The following TRDN variants were observed in gnomAD, a reference collection of about 807,000 sequenced individuals.
TRDN encodes the protein triadin in skeletal muscle.
TRDN carries 161 observed loss-of-function variants against 149.7 expected under a neutral mutation model. The ratio of observed to expected loss-of-function variants is 1.08; its 90% CI spans 0.95 to 1.23. The LOEUF is 1.23. Ranked by LOEUF, TRDN falls within the 50% of genes most tolerant of loss-of-function variation. TRDN has a pLI of 0.00. For missense variants in TRDN, 896 were observed against 823.5 expected (o/e 1.09, Z -1.08); for synonymous variants, 294 against 250.5 (o/e 1.17, Z -1.64).
chr6:123,289,285 A>G (rs934917153), intron 24 of TRDN, among the ~76,000 whole-genome samples: 5 of 151,918 alleles, frequency 3.3e-5, no homozygotes, highest in Non-Finnish European at 7.4e-5. Context: ...TCAATCTCAT[A>G]GAAACAGAGA....
intron 38 of TRDN, among the ~76,000 whole-genome samples, chr6:123,227,719 T>A (rs1365384366): frequency 1.5e-5 from 2 of 137,016 alleles, no homozygotes; most frequent in Non-Finnish European, 3.3e-5. Context: ...AGGCAAGGAC[T>A]TTTTTGTTTG....
chr6:123,236,602 T>C (rs1443228164), intron 38 of TRDN, among the ~76,000 whole-genome samples: 1 of 152,196 alleles, frequency 6.6e-6, no homozygotes, highest in Non-Finnish European at 1.5e-5. Context: ...CTATTTTTGA[T>C]TAATTTTTGC....
chr6:123,456,945 T>C (rs1307029534), intron 10 of TRDN: 3 of 425,714 alleles, frequency 7.0e-6, no homozygotes, highest in Non-Finnish European at 1.4e-5. Flanking sequence ...AAACAAATGT[T>C]TTATAAGGAA....
At chr6:123,530,820 T>C (rs1426238814) in intron 4 of TRDN, among the ~76,000 whole-genome samples, 1 of 151,960 alleles carries the variant, frequency 6.6e-6, no homozygotes, top group Admixed American at 6.6e-5. Flanking sequence ...TAGACAGAGC[T>C]ATGTTGTCAC....
Position 123,497,134 on chromosome 6 carries a change from C to T in TRDN, c.853+59G>A, listed in dbSNP as rs1320856443. ...AAATACAGTTAGGTACATAAAAAGCCCACAATCTTAGAAACAAAGACTATT... is the reference window on the plus strand; with the variant it reads ...AAATACAGTTAGGTACATAAAAAGCTCACAATCTTAGAAACAAAGACTATT... On this transcript the variant is annotated intron_variant, in intron 9 of 40. Coordinates refer to ENST00000334268, the MANE Select transcript of TRDN (RefSeq NM_006073.4). 32 of 1,353,072 alleles carry T rather than the reference C, an allele frequency of 2.4e-5. No homozygotes were observed. In the East Asian group the frequency reaches 8.5e-4, roughly 36 times the overall value. The allele number at this position is 1,353,072 out of a possible 1,614,324, so 83.8% of individuals were successfully genotyped here. A position where few individuals can be genotyped will look rare whatever the true frequency, so the allele number is the denominator to read the frequency against.
chr6:123,594,210 C>T (rs1783922295), intron 1 of TRDN, among the ~76,000 whole-genome samples: 1 of 151,944 alleles, frequency 6.6e-6, no homozygotes, highest in Non-Finnish European at 1.5e-5. Flanking sequence ...AGCTATTTGT[C>T]CAAATTATTC....
chr6:123,251,117 T>C lies in TRDN; in HGVS notation c.1975+1295A>G, dbSNP rs140273395. On this transcript the variant is annotated intron_variant, in intron 38 of 40. Coordinates refer to ENST00000334268, the MANE Select transcript of TRDN (RefSeq NM_006073.4). ...TTCCAAGGGCCTTTCCTTTTATCTA[T>C]ACATTTTGTCCTTGCCATCAGTGGG... is the stretch of plus-strand genomic sequence containing the variant. Among the ~76,000 whole-genome samples, 5 of 152,264 alleles carry C rather than the reference T, an allele frequency of 3.3e-5. No individual in the cohort carries two copies. In the East Asian group the frequency reaches 7.7e-4, roughly 24 times the overall value.
chr6:123,310,069 G>A (rs1296985345), intron 24 of TRDN, among the ~76,000 whole-genome samples: 1 of 152,030 alleles, frequency 6.6e-6, no homozygotes, highest in African/African-American at 2.4e-5. Flanking sequence ...TTTGTGGGTA[G>A]CTGCTTAAAA....
chr6:123,592,397 C>G (rs1471918061), intron 1 of TRDN, among the ~76,000 whole-genome samples: 2 of 152,118 alleles, frequency 1.3e-5, no homozygotes, highest in Non-Finnish European at 2.9e-5. Flanking sequence ...GACCCTTGTC[C>G]TCTAAGAACC....
chr6:123,381,592 A>G (rs1781722483), intron 15 of TRDN, among the ~76,000 whole-genome samples: 1 of 152,034 alleles, frequency 6.6e-6, no homozygotes, highest in African/African-American at 2.4e-5. Flanking sequence ...ATTGGCAAAT[A>G]TTATTTGACA....
chr6:123,505,020 C>T lies in TRDN; in HGVS notation c.611-1119G>A, dbSNP rs144610824. 2.1e-3 allele frequency among the ~76,000 whole-genome samples: 315 copies of T among 151,996 alleles called. 1 individual carries two copies. The highest frequency in any genetic ancestry group is 7.2e-3 in the African/African-American group (298 of 41,486). ...CAGCACTTTGGGAGACCAAGGCGGGCGGGTCATGAGGTCAGCAGATCAAGA... is the reference window on the plus strand; with the variant it reads ...CAGCACTTTGGGAGACCAAGGCGGGTGGGTCATGAGGTCAGCAGATCAAGA... On this transcript the variant is annotated intron_variant, in intron 7 of 40. Coordinates refer to ENST00000334268, the MANE Select transcript of TRDN (RefSeq NM_006073.4).
intron 9 of TRDN, among the ~76,000 whole-genome samples, chr6:123,467,614 T>C (rs903021518): frequency 1.2e-4 from 19 of 152,106 alleles, no homozygotes; most frequent in African/African-American, 4.3e-4. Context: ...AGGGAATTAC[T>C]AACTCAGGAC....
At chr6:123,375,186 G>A (rs1347986864) in intron 19 of TRDN, among the ~76,000 whole-genome samples, 1 of 152,118 alleles carries the variant, frequency 6.6e-6, no homozygotes, top group East Asian at 1.9e-4. Context: ...CACATTCCAA[G>A]AGCAATGGTT....
At chr6:123,327,793 C>A (rs1779514254) in intron 23 of TRDN, among the ~76,000 whole-genome samples, 1 of 152,020 alleles carries the variant, frequency 6.6e-6, no homozygotes, top group Admixed American at 6.5e-5. Flanking sequence ...TTGATTATCC[C>A]TTTTCAATTC....
intron 12 of TRDN, among the ~76,000 whole-genome samples, chr6:123,417,322 A>C (rs2114531084): frequency 1.3e-5 from 2 of 152,250 alleles, no homozygotes; most frequent in Middle Eastern, 6.8e-3. Flanking sequence ...AAATTTTTTG[A>C]TCCCTATTAC....
At chr6:123,579,786 C>T (rs2093309) in intron 1 of TRDN, among the ~76,000 whole-genome samples, 136,788 of 152,208 alleles carry the variant, frequency 0.9, 61,641 homozygotes, top group East Asian at 1. Flanking sequence ...AATTGAATCA[C>T]GGGGGCAGTT....
intron 12 of TRDN, among the ~76,000 whole-genome samples, chr6:123,424,232 C>T (rs376197638): frequency 6.6e-6 from 1 of 152,094 alleles, no homozygotes; most frequent in East Asian, 1.9e-4. Context: ...GAATAAAAAA[C>T]TGTTTTCTAA....
chr6:123,437,381 ATTTTTTTTTTTT>A (rs565538741), intron 12 of TRDN: 397 of 186,292 alleles, frequency 2.1e-3, no homozygotes, highest in South Asian at 5.7e-3. Flanking sequence ...TGAGATACAG[ATTTTTTTTTTTT>A]TTTTTTTTTT....
intron 8 of TRDN, among the ~76,000 whole-genome samples, chr6:123,497,623 TC>T (rs1322038435): frequency 5.3e-5 from 8 of 152,130 alleles, no homozygotes; most frequent in African/African-American, 1.7e-4. Flanking sequence ...AACAGAAGTT[TC>T]ACAAGAGGAA....
Sources: allele counts gnomAD v4.1 joint callset (sites outside exome capture counted in the v4.1 genomes callset), GRCh38; gene constraint gnomAD v4.1.1; transcripts MANE v1.5; gene names NCBI Gene and HGNC (gene_info 2026-07-23, HGNC 2026-07-21).